AKAP19: variants seen among roughly 807,000 people sequenced by gnomAD.
AKAP19 encodes the protein small A-kinase anchoring protein.
the AKAP19 span, among the ~76,000 whole-genome samples, chr2:190,015,022 G>A: frequency 6.6e-6 from 1 of 152,164 alleles, no homozygotes; most frequent in East Asian, 1.9e-4. Flanking sequence ...TGCTTTCACA[G>A]GCTGGCATTG....
At chr2:190,083,907 C>T in the AKAP19 span, among the ~76,000 whole-genome samples, 1 of 152,096 alleles carries the variant, frequency 6.6e-6, no homozygotes, top group Non-Finnish European at 1.5e-5. Context: ...GTTGAAGTCA[C>T]ACAGCGAGCA....
the AKAP19 span, among the ~76,000 whole-genome samples, chr2:189,965,622 G>A: frequency 6.7e-6 from 1 of 149,092 alleles, no homozygotes; most frequent in Non-Finnish European, 1.5e-5. Flanking sequence ...CTGCAACAGT[G>A]GCCACAATAA....
chr2:190,149,232 G>T, the AKAP19 span, among the ~76,000 whole-genome samples: 1 of 151,930 alleles, frequency 6.6e-6, no homozygotes, highest in Non-Finnish European at 1.5e-5. Flanking sequence ...CAAAGTGCTG[G>T]GATTACAGGC....
the AKAP19 span, among the ~76,000 whole-genome samples, chr2:190,044,312 A>G: frequency 2.6e-5 from 4 of 152,110 alleles, no homozygotes; most frequent in African/African-American, 9.7e-5. Flanking sequence ...CAGGTCAGCA[A>G]TTGCTCAGTG....
the AKAP19 span, among the ~76,000 whole-genome samples, chr2:189,947,470 TTATAAAA>T: frequency 1.3e-5 from 2 of 152,102 alleles, no homozygotes; most frequent in Non-Finnish European, 2.9e-5. Context: ...GTAACTAAAT[TTATAAAA>T]TATTTAATGA....
At chr2:190,035,580 T>C in the AKAP19 span, among the ~76,000 whole-genome samples, 1 of 152,182 alleles carries the variant, frequency 6.6e-6, no homozygotes, top group Non-Finnish European at 1.5e-5. Context: ...CATGCCACTT[T>C]GTAGTCAGTC....
At chr2:189,962,676 A>G in the AKAP19 span, among the ~76,000 whole-genome samples, 1 of 152,136 alleles carries the variant, frequency 6.6e-6, no homozygotes, top group Non-Finnish European at 1.5e-5. Context: ...AAAGGCTGAC[A>G]ATTACTTTTT....
chr2:190,062,781 T>A, the AKAP19 span: 11 of 580,128 alleles, frequency 1.9e-5, no homozygotes, highest in Admixed American at 3.2e-5. Flanking sequence ...ATGAGACAAG[T>A]GTCGTCAGGA....
chr2:190,131,898 A>G, the AKAP19 span, among the ~76,000 whole-genome samples: 2 of 152,218 alleles, frequency 1.3e-5, no homozygotes, highest in African/African-American at 4.8e-5. Context: ...GGGTTTTTCT[A>G]TATCACAGCA....
At chr2:190,170,595 C>A in the AKAP19 span, among the ~76,000 whole-genome samples, 10 of 152,292 alleles carry the variant, frequency 6.6e-5, no homozygotes, top group South Asian at 1.9e-3. Flanking sequence ...CCATCCCCAA[C>A]CAGGACCCAA....
chr2:190,015,329 A>G, the AKAP19 span, among the ~76,000 whole-genome samples: 1 of 152,292 alleles, frequency 6.6e-6, no homozygotes, highest in African/African-American at 2.4e-5. Flanking sequence ...TCATGGGCCC[A>G]ACACCACATG....
the AKAP19 span, among the ~76,000 whole-genome samples, chr2:190,010,066 T>C: frequency 6.6e-6 from 1 of 152,176 alleles, no homozygotes; most frequent in Non-Finnish European, 1.5e-5. Flanking sequence ...ATAAACACCA[T>C]GCTCATGTGT....
the AKAP19 span, among the ~76,000 whole-genome samples, chr2:190,138,006 A>G: frequency 5.8e-5 from 4 of 68,638 alleles, no homozygotes; most frequent in African/African-American, 1.7e-4. Flanking sequence ...GTACTTTCGT[A>G]TTTTGAAAAA....
chr2:189,922,306 A>G, the AKAP19 span, among the ~76,000 whole-genome samples: 6 of 152,220 alleles, frequency 3.9e-5, no homozygotes, highest in African/African-American at 1.4e-4. Context: ...AACAGGAATT[A>G]TATCAGATTT....
the AKAP19 span, among the ~76,000 whole-genome samples, chr2:189,961,777 T>C: frequency 6.6e-6 from 1 of 151,930 alleles, no homozygotes; most frequent in South Asian, 2.1e-4. Context: ...CCAGGCATGG[T>C]GGAGCACACC....
chr2:190,165,214 A>G, the AKAP19 span, among the ~76,000 whole-genome samples: 1 of 152,188 alleles, frequency 6.6e-6, no homozygotes, highest in East Asian at 1.9e-4. Flanking sequence ...AGGCAGGTAG[A>G]TCACTTGAGG....
the AKAP19 span, among the ~76,000 whole-genome samples, chr2:189,892,337 CT>C: frequency 2.4e-4 from 37 of 152,104 alleles, no homozygotes; most frequent in African/African-American, 2.4e-5. Context: ...AATTTTCAGC[CT>C]TTTTGCACTG....
the AKAP19 span, among the ~76,000 whole-genome samples, chr2:189,970,889 A>AT: frequency 6.6e-6 from 1 of 152,238 alleles, no homozygotes; most frequent in Non-Finnish European, 1.5e-5. Flanking sequence ...GCATAAAACA[A>AT]TATCGCCCTA....
At chr2:190,021,690 T>A in the AKAP19 span, among the ~76,000 whole-genome samples, 1 of 152,218 alleles carries the variant, frequency 6.6e-6, no homozygotes, top group Non-Finnish European at 1.5e-5. Context: ...TACCAGACTT[T>A]GCTAATGGGC....
Sources: allele counts gnomAD v4.1 joint callset (sites outside exome capture counted in the v4.1 genomes callset), GRCh38; gene constraint gnomAD v4.1.1; transcripts MANE v1.5; gene names NCBI Gene and HGNC (gene_info 2026-07-23, HGNC 2026-07-21).